Variants in CSNK1G1 observed in about 807,000 individuals in gnomAD.
The protein encoded by CSNK1G1 is casein kinase I isoform gamma-1.
CSNK1G1 carries 22 observed loss-of-function variants against 59.6 expected under a neutral mutation model. The observed-to-expected ratio is 0.37, with a 90% CI of 0.26 to 0.53. The LOEUF (loss-of-function observed/expected upper bound fraction) is 0.53, where lower values mean the gene tolerates loss of function less well. Among genes scored for constraint, CSNK1G1 ranks in the 20% least tolerant of loss-of-function variants. The pLI, the probability that CSNK1G1 is intolerant of heterozygous loss-of-function variation, is 0.89. For missense variants in CSNK1G1, 384 were observed against 519.5 expected (o/e 0.74, Z 2.54); for synonymous variants, 179 against 177.1 (o/e 1.01, Z -0.08).
At chr15:64,211,151 A>G (rs2082244909) in intron 6 of CSNK1G1, among the ~76,000 whole-genome samples, 1 of 152,192 alleles carries the variant, frequency 6.6e-6, no homozygotes, top group African/African-American at 2.4e-5. Flanking sequence ...TGGACTAAGT[A>G]AGTGTGGCTA....
intron 2 of CSNK1G1, among the ~76,000 whole-genome samples, chr15:64,298,328 C>T (rs778267306): frequency 1.3e-5 from 2 of 152,174 alleles, no homozygotes; most frequent in Non-Finnish European, 2.9e-5. Context: ...TAGAAACTGC[C>T]TCTTAGCAAT....
rs79676167 is a variant in CSNK1G1 at position 64,349,372 on chromosome 15, G to A, written c.-225+6616C>T. Among the ~76,000 whole-genome samples the A allele has an allele frequency of 8.4e-3, 1,276 of 152,018 alleles. 19 individuals carry two copies. Among genetic ancestry groups the A allele is most frequent in the African/African-American group, 0.029 (1,192 of 41,466 alleles). ...AAGGGCAATGGCTACCTCTTCACCC[G>A]ACATCTCTGGACAAGGCAAAAACTA... On this transcript the variant is annotated intron_variant, in intron 1 of 11. Transcript: ENST00000303052.
chr15:64,241,146 T>A (rs1424325573), intron 4 of CSNK1G1, among the ~76,000 whole-genome samples: 2 of 152,010 alleles, frequency 1.3e-5, no homozygotes, highest in African/African-American at 4.8e-5. Flanking sequence ...CCTATAAAGA[T>A]ATATACAGAC....
intron 10 of CSNK1G1, among the ~76,000 whole-genome samples, chr15:64,190,453 T>C (rs1179345769): frequency 6.6e-6 from 1 of 152,218 alleles, no homozygotes; most frequent in South Asian, 2.1e-4. Context: ...TCACTCTTGT[T>C]GCCCAGGCTA....
At chr15:64,321,174 G>A (rs1200713598) in intron 1 of CSNK1G1, among the ~76,000 whole-genome samples, 1 of 151,174 alleles carries the variant, frequency 6.6e-6, no homozygotes, top group Non-Finnish European at 1.5e-5. Flanking sequence ...ACAATTTAAT[G>A]TATTATTTAA....
chr15:64,341,870 ACT>A (rs1375138977), intron 1 of CSNK1G1, among the ~76,000 whole-genome samples: 12 of 152,172 alleles, frequency 7.9e-5, no homozygotes, highest in Admixed American at 2.0e-4. Flanking sequence ...GGATGAGGTG[ACT>A]CTTCTAATTT....
rs2081624879 is a variant in CSNK1G1 at position 64,168,221 on chromosome 15, C to T, written c.*3710G>A. ...AATGGGATTTTAACTGGAAGCTAAT[C>T]TTGTACCTTCCTAGACCCTGTTTAT... On this transcript the variant is annotated 3_prime_UTR_variant, in exon 12 of 12. Coordinates refer to ENST00000303052, the MANE Select transcript of CSNK1G1 (RefSeq NM_022048.5). 6.6e-6 allele frequency: 1 copy of T among 152,662 alleles called. No individual in the cohort carries two copies. Among genetic ancestry groups the T allele is most frequent in the Non-Finnish European group, 1.5e-5 (1 of 68,034 alleles). The allele number at this position is 152,662 out of a possible 1,614,324, so 9.5% of individuals were successfully genotyped here.
chr15:64,282,359 C>T (rs1367488635), intron 2 of CSNK1G1, among the ~76,000 whole-genome samples: 1 of 151,920 alleles, frequency 6.6e-6, no homozygotes, highest in Non-Finnish European at 1.5e-5. Context: ...CTCAGCCTCC[C>T]GGGTTCAAGC....
intron 2 of CSNK1G1, among the ~76,000 whole-genome samples, chr15:64,297,758 G>C (rs1027998333): frequency 6.6e-6 from 1 of 152,008 alleles, no homozygotes; most frequent in Non-Finnish European, 1.5e-5. Flanking sequence ...GTGTGTCTAG[G>C]AAAGGAAATT....
rs560110643 is a variant in CSNK1G1, at chr15:64,185,233, G to T, written c.1108-4779C>A. Among the ~76,000 whole-genome samples, 8 of 152,200 alleles carry T rather than the reference G, an allele frequency of 5.3e-5. No individual in the cohort carries two copies. The South Asian group carries it at 1.7e-3, about 32-fold the overall frequency. ...TCTTAGATTCTGCACTCCCTCCCAG[G>T]GTCATGGTGTCTGCAAGTCACCCAG... is the stretch of plus-strand genomic sequence containing the variant. On this transcript the variant is annotated intron_variant, in intron 10 of 11. Coordinates refer to ENST00000303052, the MANE Select transcript of CSNK1G1 (RefSeq NM_022048.5).
chr15:64,225,690 G>A (rs938982896), intron 4 of CSNK1G1, among the ~76,000 whole-genome samples: 1 of 152,116 alleles, frequency 6.6e-6, no homozygotes, highest in African/African-American at 2.4e-5. Flanking sequence ...GCAATGGCGT[G>A]ATCTCGGCTC....
At chr15:64,231,773 T>C (rs1173178973) in intron 4 of CSNK1G1, among the ~76,000 whole-genome samples, 2 of 152,216 alleles carry the variant, frequency 1.3e-5, no homozygotes, top group Admixed American at 1.3e-4. Flanking sequence ...CTTCCTCATT[T>C]TATATGCATT....
intron 3 of CSNK1G1, among the ~76,000 whole-genome samples, chr15:64,254,579 T>C (rs1051643103): frequency 7.2e-5 from 11 of 152,154 alleles, no homozygotes; most frequent in African/African-American, 9.7e-5. Context: ...ACCAAACCCC[T>C]GACCTCAGGT....
intron 4 of CSNK1G1, among the ~76,000 whole-genome samples, chr15:64,232,078 G>A (rs1047601031): frequency 1.3e-5 from 2 of 152,136 alleles, no homozygotes; most frequent in Non-Finnish European, 2.9e-5. Context: ...ATTACCTACA[G>A]GCTGGCTTTA....
At chr15:64,248,814 C>G (rs1891903664) in intron 4 of CSNK1G1, among the ~76,000 whole-genome samples, 2 of 151,988 alleles carry the variant, frequency 1.3e-5, no homozygotes, top group South Asian at 4.2e-4. Flanking sequence ...GAAACCCCGT[C>G]TCTACTAAAA....
chr15:64,165,890 C>T lies in CSNK1G1; in HGVS notation c.*6041G>A, dbSNP rs1452406216. 8 of 503,362 alleles carry T rather than the reference C, an allele frequency of 1.6e-5. No individual in the cohort carries two copies. In the East Asian group the frequency reaches 2.6e-4, roughly 16 times the overall value. 31.2% of individuals were successfully genotyped at this position (503,362 alleles called of 1,614,324 possible). A position where few individuals can be genotyped will look rare whatever the true frequency, so the allele number is the denominator to read the frequency against. The stretch of plus-strand genomic sequence containing the variant: ...TACTCTGAGATCACATATCAGAACC[C>T]ATTTTCCATTTTCTCCAAAGAAGGC... On this transcript the variant is annotated 3_prime_UTR_variant, in exon 12 of 12. Coordinates refer to ENST00000303052, the MANE Select transcript of CSNK1G1 (RefSeq NM_022048.5).
Position 64,172,260 on chromosome 15 carries a change from G to T in CSNK1G1, c.1215-275C>A, listed in dbSNP as rs1596042593. On this transcript the variant is annotated intron_variant, in intron 11 of 11. Coordinates refer to ENST00000303052, the MANE Select transcript of CSNK1G1 (RefSeq NM_022048.5). ...CTGAAATAGGCATTACTGGAAGGAG[G>T]GTGAAGAAGGCTCATAGTTTAGCAC... Among the ~76,000 whole-genome samples, 3 of 152,266 alleles carry T rather than the reference G, an allele frequency of 2.0e-5. No individual in the cohort carries two copies. The South Asian group carries it at 6.2e-4, about 32-fold the overall frequency.
At chr15:64,332,650 T>C (rs1157430415) in intron 1 of CSNK1G1, among the ~76,000 whole-genome samples, 1 of 148,512 alleles carries the variant, frequency 6.7e-6, no homozygotes, top group Non-Finnish European at 1.5e-5. Flanking sequence ...AATGTGCACA[T>C]GTACCCTAAA....
intron 4 of CSNK1G1, among the ~76,000 whole-genome samples, chr15:64,225,148 A>G: frequency 6.6e-6 from 1 of 151,206 alleles, no homozygotes; most frequent in African/African-American, 2.4e-5. Flanking sequence ...GGCTGGGATT[A>G]CAGGCATGCA....
Sources: allele counts gnomAD v4.1 joint callset (sites outside exome capture counted in the v4.1 genomes callset), GRCh38; gene constraint gnomAD v4.1.1; transcripts MANE v1.5; gene names NCBI Gene and HGNC (gene_info 2026-07-23, HGNC 2026-07-21).